The following DIP2A variants were observed in gnomAD, a reference collection of about 807,000 sequenced individuals.
DIP2A encodes the protein disco-interacting protein 2 homolog A.
A neutral mutation model predicts 177.4 loss-of-function variants in DIP2A; 85 were observed. The ratio of observed to expected loss-of-function variants is 0.48; its 90% CI spans 0.40 to 0.57. The LOEUF (loss-of-function observed/expected upper bound fraction) is 0.57, where lower values mean the gene tolerates loss of function less well. DIP2A is among the 20% of genes least tolerant of loss of function. The pLI is 0.00. For missense variants in DIP2A, 1,791 were observed against 2,100.2 expected (o/e 0.85, Z 2.88); for synonymous variants, 886 against 881.8 (o/e 1.00, Z -0.08).
Position 46,527,993 on chromosome 21 carries a change from A to G in DIP2A, c.1103-1099A>G, listed in dbSNP as rs551739114. Among the ~76,000 whole-genome samples, 29 of 151,958 alleles carry G rather than the reference A, an allele frequency of 1.9e-4. No individual in the cohort carries two copies. In the South Asian group the frequency reaches 6.0e-3, roughly 32 times the overall value. On this transcript the variant is annotated intron_variant, in intron 8 of 37. Coordinates refer to ENST00000417564, the MANE Select transcript of DIP2A (RefSeq NM_015151.4). The stretch of plus-strand genomic sequence containing the variant: ...TCCTCAGTGAAGCTCTCCCCTATTG[A>G]GTGCTTATGAGCATAGCAGCTGCGC...
intron 7 of DIP2A, among the ~76,000 whole-genome samples, chr21:46,510,913 A>C (rs75294164): frequency 6.6e-6 from 1 of 152,158 alleles, no homozygotes; most frequent in Non-Finnish European, 1.5e-5. Context: ...GATTACAGGC[A>C]TGAGCCACCA....
At chr21:46,560,687 C>G in intron 32 of DIP2A, 35 bp from the exon 33 acceptor site, 1 of 1,587,728 alleles carries the variant, frequency 6.3e-7, no homozygotes, top group Non-Finnish European at 8.6e-7. Flanking sequence ...AAGTGAGGCC[C>G]CTGAACAGAA....
rs1224062734 is a variant in DIP2A at position 46,566,691 on chromosome 21, C to A, written c.4463+8C>A. ...CAGGAGCATCGCTGAGTGGTAAGAG[C>A]CCAGGTGGAGGGCGGCTTCACGTGG... On this transcript the variant is annotated splice_region_variant and intron_variant, in intron 37 of 37. Transcript: ENST00000417564. 1.2e-6 allele frequency: 2 copies of A among 1,613,924 alleles called. No homozygotes were observed. Among genetic ancestry groups the A allele is most frequent in the African/African-American group, 2.7e-5 (2 of 74,928 alleles).
At position 46,567,374 on chromosome 21, in the gene DIP2A, G is replaced by A. The variant is rs760381589; in HGVS notation, c.4468G>A (p.Val1490Ile). The change falls in exon 38 of 38, where the codon GTA becomes ATA. Residue 1490 changes from valine (V) to isoleucine (I), a missense_variant. Coordinates refer to ENST00000417564, the MANE Select transcript of DIP2A (RefSeq NM_015151.4). ...CAGTCTGTCTTCTCTCTGCAGTGCC[G>A]TATTCACCTGGACCAACCTGCTGGT... Reference protein sequence around the residue: ...RAHRSIAECAVFTWTNLLVVV... With the variant: ...RAHRSIAECAIFTWTNLLVVV... The A allele has an allele frequency of 1.7e-5, 27 of 1,612,690 alleles. No homozygotes were observed. The South Asian group carries it at 2.5e-4, about 15-fold the overall frequency.
chr21:46,534,840 T>C (rs2059497254), intron 13 of DIP2A, among the ~76,000 whole-genome samples, 153 bp downstream of exon 13: 1 of 152,188 alleles, frequency 6.6e-6, no homozygotes, highest in African/African-American at 2.4e-5. Flanking sequence ...GGAGATGCAC[T>C]GTCTTTAGCA....
intron 32 of DIP2A, among the ~76,000 whole-genome samples, chr21:46,560,461 T>C (rs937202382): frequency 6.6e-6 from 1 of 152,204 alleles, no homozygotes; most frequent in Non-Finnish European, 1.5e-5. Flanking sequence ...AGAACTGAAA[T>C]GTAAAGTGGC....
chr21:46,509,909 A>G (rs2148618767), intron 7 of DIP2A, among the ~76,000 whole-genome samples: 1 of 152,306 alleles, frequency 6.6e-6, no homozygotes, highest in East Asian at 1.9e-4. Context: ...CTGTTTGTAC[A>G]GTGACACTGC....
chr21:46,567,000 A>G (rs563893728), intron 37 of DIP2A, among the ~76,000 whole-genome samples: 1 of 152,308 alleles, frequency 6.6e-6, no homozygotes, highest in African/African-American at 2.4e-5. Flanking sequence ...ATCAGTGGTA[A>G]GCTAAGAGAT....
rs374498433 is a variant in DIP2A, at chr21:46,554,228, C to T, written c.3090C>T (p.Ala1030=). ...VQLHKRAERV[A]AALMEKGRLS... ...TGCACAAAAGGGCTGAGAGAGTGGC[C>T]GCGGCTCTGATGGAGAAGGGAAGAC... is the stretch of plus-strand genomic sequence containing the variant. Residue 1030 remains alanine, a synonymous_variant, in exon 26 of 38, where the codon GCC becomes GCT. Coordinates refer to ENST00000417564, the MANE Select transcript of DIP2A (RefSeq NM_015151.4). 264 of 1,613,910 alleles carry T rather than the reference C, an allele frequency of 1.6e-4. 2 individuals are homozygous for T. The Middle Eastern group carries it at 3.6e-3, about 22-fold the overall frequency.
At chr21:46,459,351 C>G in intron 1 of DIP2A, 129 bp downstream of exon 1, 1 of 710,280 alleles carries the variant, frequency 1.4e-6, no homozygotes. Flanking sequence ...GGGACCCCCA[C>G]GCGGCCTCGC....
chr21:46,576,936 G>A, the DIP2A span, among the ~76,000 whole-genome samples: 5 of 152,136 alleles, frequency 3.3e-5, no homozygotes, highest in South Asian at 2.1e-4. Flanking sequence ...TCTTTTGACA[G>A]GTGTCTGTTC....
chr21:46,562,564 G>T (rs922180052), intron 34 of DIP2A, among the ~76,000 whole-genome samples: 2 of 152,176 alleles, frequency 1.3e-5, no homozygotes, highest in Non-Finnish European at 2.9e-5. Flanking sequence ...CCAGGATACA[G>T]ACTCCTGCAG....
chr21:46,531,076 A>T (rs1462177021), intron 9 of DIP2A, among the ~76,000 whole-genome samples: 1 of 152,072 alleles, frequency 6.6e-6, no homozygotes, highest in Non-Finnish European at 1.5e-5. Context: ...TGAGTGAGTG[A>T]GTGAGTAGGG....
chr21:46,477,574 T>TGTG (rs1292980032), intron 1 of DIP2A, among the ~76,000 whole-genome samples: 3 of 93,724 alleles, frequency 3.2e-5, no homozygotes, highest in Non-Finnish European at 5.1e-5. Context: ...TGTGTATTTC[T>TGTG]TTTTTTTTTT....
intron 1 of DIP2A, among the ~76,000 whole-genome samples, chr21:46,460,139 A>G (rs2148194630): frequency 6.6e-6 from 1 of 152,304 alleles, no homozygotes; most frequent in East Asian, 1.9e-4. Context: ...ATACCTTAAT[A>G]TATGCAAAGC....
At chr21:46,512,592 A>G (rs1382047958) in intron 8 of DIP2A, among the ~76,000 whole-genome samples, 1 of 152,058 alleles carries the variant, frequency 6.6e-6, no homozygotes, top group Admixed American at 6.6e-5. Context: ...TACTATTCAA[A>G]TATTTGGCTC....
chr21:46,555,826 C>T (rs531420263), intron 28 of DIP2A, 156 bp from the exon 29 acceptor site: 17 of 675,564 alleles, frequency 2.5e-5, no homozygotes, highest in African/African-American at 2.3e-4. Flanking sequence ...TTCCTGAGCA[C>T]GCACAGCCTG....
intron 35 of DIP2A, among the ~76,000 whole-genome samples, chr21:46,564,445 G>A (rs896714665): frequency 6.6e-6 from 1 of 152,332 alleles, no homozygotes; most frequent in African/African-American, 2.4e-5. Context: ...ACAGGAATCC[G>A]TTGGGTTGAA....
chr21:46,540,091 C>G (rs1226385153), intron 17 of DIP2A, 100 bp downstream of exon 17: 3 of 1,011,630 alleles, frequency 3.0e-6, no homozygotes, highest in Non-Finnish European at 4.5e-6. Context: ...AGGATCCAGG[C>G]CCATTTGTGC....
Sources: gnomAD v4.1 joint callset for allele counts (sites outside exome capture counted in the v4.1 genomes callset) on GRCh38, gnomAD v4.1.1 for gene constraint, MANE v1.5 for transcripts, NCBI Gene and HGNC (gene_info 2026-07-23, HGNC 2026-07-21) for gene names.